Variants in KDM7A observed in about 807,000 individuals in gnomAD.
KDM7A encodes lysine demethylase 7A.
In KDM7A, 28 loss-of-function variants were observed where a neutral mutation model predicts 114.8. That is an observed-to-expected ratio of 0.24 (90% confidence interval 0.18 to 0.33). KDM7A has a LOEUF of 0.33. KDM7A is among the 10% of genes least tolerant of loss of function. The pLI, the probability that KDM7A is intolerant of heterozygous loss-of-function variation, is 1.00. For missense variants in KDM7A, 942 were observed against 1,142.5 expected, an observed-to-expected ratio of 0.82 and a Z score of 2.53; for synonymous variants, 423 against 397.8, an observed-to-expected ratio of 1.06 and a Z score of -0.75.
intron 1 of KDM7A, among the ~76,000 whole-genome samples, chr7:140,167,935 G>C (rs1485749115): frequency 6.6e-6 from 1 of 152,030 alleles, no homozygotes; most frequent in African/African-American, 2.4e-5. Context: ...AGGACTAAAA[G>C]CTTGATAGAA....
intron 11 of KDM7A, among the ~76,000 whole-genome samples, chr7:140,108,030 A>G (rs2116765543): frequency 6.6e-6 from 1 of 152,146 alleles, no homozygotes; most frequent in South Asian, 2.1e-4. Context: ...TTTGATCTTC[A>G]ATCACTGATA....
At chr7:140,155,076 A>T (rs1415593513) in intron 1 of KDM7A, among the ~76,000 whole-genome samples, 1 of 152,184 alleles carries the variant, frequency 6.6e-6, no homozygotes, top group African/African-American at 2.4e-5. Context: ...TGAACCAAAG[A>T]AGTCAATAAC....
chr7:140,100,681 C>CACATATAT (rs1554395402), intron 12 of KDM7A, among the ~76,000 whole-genome samples: 8 of 44,340 alleles, frequency 1.8e-4, no homozygotes, highest in African/African-American at 2.8e-4. Flanking sequence ...TATATATATA[C>CACATATAT]ATATATACAT....
intron 12 of KDM7A, among the ~76,000 whole-genome samples, chr7:140,100,753 TTTTTG>T (rs1562946211): frequency 1.5e-5 from 1 of 65,294 alleles, no homozygotes; most frequent in African/African-American, 1.0e-4. Flanking sequence ...CATATATATT[TTTTTG>T]TTTGTTTGTT....
At position 140,089,977 on chromosome 7, in the gene KDM7A, A is replaced by C. The variant is rs1817993729; in HGVS notation, c.*1117T>G. On this transcript the variant is annotated 3_prime_UTR_variant, in exon 20 of 20. Transcript: ENST00000397560. ...TTATGATGCAGATTTGAATATCCTA[A>C]ATAACATTTCCCAACAAATCAGGTA... 6.6e-6 allele frequency: 1 copy of C among 152,200 alleles called. No homozygotes were observed. The highest frequency in any genetic ancestry group is 1.5e-5 in the Non-Finnish European group (1 of 68,042). The allele number at this position is 152,200 out of a possible 1,614,324, so 9.4% of individuals were successfully genotyped here.
At chr7:140,166,655 G>C (rs928019996) in intron 1 of KDM7A, among the ~76,000 whole-genome samples, 1 of 151,972 alleles carries the variant, frequency 6.6e-6, no homozygotes, top group South Asian at 2.1e-4. Flanking sequence ...GTCTTAATAC[G>C]ACAAATTAGT....
At position 140,089,078 on chromosome 7, in the gene KDM7A, G is replaced by C. The variant is rs1036563672; in HGVS notation, c.*2016C>G. On this transcript the variant is annotated 3_prime_UTR_variant, in exon 20 of 20. Transcript: ENST00000397560. ...ACACCGACTCAGGATCTACAGAAAA[G>C]CAAAAATCACAAGAATATACTGTGT... 6.6e-6 allele frequency: 1 copy of C among 152,024 alleles called. No homozygotes were observed. Among genetic ancestry groups the C allele is most frequent in the Non-Finnish European group, 1.5e-5 (1 of 67,994 alleles). The allele number at this position is 152,024 out of a possible 1,614,324, so 9.4% of individuals were successfully genotyped here.
At chr7:140,149,479 T>C (rs1228514927) in intron 1 of KDM7A, among the ~76,000 whole-genome samples, 2 of 152,080 alleles carry the variant, frequency 1.3e-5, no homozygotes, top group Non-Finnish European at 2.9e-5. Flanking sequence ...AAGGAGGAGG[T>C]GCTTTACATT....
intron 1 of KDM7A, among the ~76,000 whole-genome samples, chr7:140,158,212 A>C (rs1371353034): frequency 6.6e-6 from 1 of 152,184 alleles, no homozygotes; most frequent in Non-Finnish European, 1.5e-5. Context: ...ATGTTCCACT[A>C]AAGTTCATTT....
intron 11 of KDM7A, among the ~76,000 whole-genome samples, chr7:140,106,589 G>C (rs955114359): frequency 6.6e-6 from 1 of 152,216 alleles, no homozygotes; most frequent in African/African-American, 2.4e-5. Flanking sequence ...CCATGTAGTT[G>C]TGCAGTTTTG....
chr7:140,170,013 T>A (rs1794620752), intron 1 of KDM7A, among the ~76,000 whole-genome samples: 1 of 152,148 alleles, frequency 6.6e-6, no homozygotes, highest in African/African-American at 2.4e-5. Context: ...ACAATGAAAT[T>A]GAGAAGTTCA....
intron 1 of KDM7A, among the ~76,000 whole-genome samples, chr7:140,171,710 G>GT (rs894059520): frequency 6.7e-6 from 1 of 150,276 alleles, no homozygotes; most frequent in African/African-American, 2.4e-5. Flanking sequence ...CACCCAAAAG[G>GT]TAAACCCTAT....
intron 12 of KDM7A, among the ~76,000 whole-genome samples, chr7:140,100,733 TATATATATACATATATA>T (rs1562946144): frequency 6.7e-4 from 35 of 51,886 alleles, no homozygotes; most frequent in African/African-American, 2.4e-3. Flanking sequence ...TATATATATA[TATATATATACATATATA>T]TTTTTTTGTT....
Position 140,124,713 on chromosome 7 carries a change from G to A in KDM7A, c.959C>T (p.Ser320Phe). 6.2e-7 allele frequency: 1 copy of A among 1,612,934 alleles called. No homozygotes were observed. Among genetic ancestry groups the A allele is most frequent in the Non-Finnish European group, 8.5e-7 (1 of 1,179,054 alleles). ...AAAGAACACCTCACTCTGGGTCACA[G>A]ATGAACTCCAAGATTCATAACGTGC... is the stretch of plus-strand genomic sequence containing the variant. ...NLARYESWSSSVTQSEVFFGD... is the reference protein window; with the variant it reads ...NLARYESWSSFVTQSEVFFGD... The change falls in exon 7 of 20, where the codon TCT becomes TTT. Residue 320 changes from serine (S) to phenylalanine (F), a missense_variant. Around this residue, in one of 4 missense-constraint regions of KDM7A, gnomAD observed 318 missense variants for 453.1 expected, o/e 0.70. Coordinates refer to ENST00000397560, the MANE Select transcript of KDM7A (RefSeq NM_030647.2).
chr7:140,121,988 A>C (rs908911575), intron 7 of KDM7A, among the ~76,000 whole-genome samples: 1 of 152,196 alleles, frequency 6.6e-6, no homozygotes, highest in Non-Finnish European at 1.5e-5. Flanking sequence ...GCAGCACCTG[A>C]ATCAGCCAAT....
At chr7:140,157,798 C>T (rs1794474464) in intron 1 of KDM7A, among the ~76,000 whole-genome samples, 1 of 150,188 alleles carries the variant, frequency 6.7e-6, no homozygotes, top group African/African-American at 2.4e-5. Flanking sequence ...ACTGTCTCTA[C>T]TAAAAATACA....
chr7:140,143,519 T>C (rs1794308919), intron 1 of KDM7A, among the ~76,000 whole-genome samples: 1 of 152,204 alleles, frequency 6.6e-6, no homozygotes, highest in Non-Finnish European at 1.5e-5. Context: ...ACAATTAAAA[T>C]ACTAAATTTC....
chr7:140,127,564 A>T lies in KDM7A; in HGVS notation c.579T>A (p.Asp193Glu). The change falls in exon 5 of 20, where the codon GAT becomes GAA. Residue 193 changes from aspartate (D) to glutamate (E), a missense_variant. By Grantham distance (45) the Asp-to-Glu change is conservative (BLOSUM62 2). Around this residue, in one of 4 missense-constraint regions of KDM7A, gnomAD observed 318 missense variants for 453.1 expected, o/e 0.70. Coordinates refer to ENST00000397560, the MANE Select transcript of KDM7A (RefSeq NM_030647.2). ...ERYVGGDKVI[D>E]VIDVARQADS... ...CTGCCTGCCTCGCCACATCAATGAC[A>T]TCTATCACTTTGTCACCACCTGCAG... 4 of 1,614,006 alleles carry T rather than the reference A, an allele frequency of 2.5e-6. No homozygotes were observed. The highest frequency in any genetic ancestry group is 3.4e-6 in the Non-Finnish European group (4 of 1,179,940).
At chr7:140,160,206 A>G (rs540253355) in intron 1 of KDM7A, among the ~76,000 whole-genome samples, 9 of 152,380 alleles carry the variant, frequency 5.9e-5, no homozygotes, top group Non-Finnish European at 1.2e-4. Flanking sequence ...AATAAGCAAC[A>G]AAAGTGTTAC....
Sources: gnomAD v4.1 joint callset for allele counts (sites outside exome capture counted in the v4.1 genomes callset) on GRCh38, gnomAD v4.1.1 for gene constraint, gnomAD v4.1.1 regional missense constraint, MANE v1.5 for transcripts, NCBI Gene and HGNC (gene_info 2026-07-23, HGNC 2026-07-21) for gene names.